The following ATP2C1 variants were observed in gnomAD, a reference collection of about 807,000 sequenced individuals.
ATP2C1 encodes the protein calcium-transporting ATPase type 2C member 1.
In ATP2C1, 31 loss-of-function variants were observed where a neutral mutation model predicts 120.5. The observed-to-expected ratio is 0.26, with a 90% CI of 0.19 to 0.35. The LOEUF is 0.35. ATP2C1 is among the 10% of genes least tolerant of loss of function. The probability of loss-of-function intolerance (pLI) is 1.00; values close to 1 mark genes in which losing one functional copy is unlikely to be tolerated. For synonymous variants in ATP2C1, 351 were observed against 358.7 expected (o/e 0.98, Z 0.24); for missense variants, 731 against 1,107.5 (o/e 0.66, Z 4.83).
At chr3:130,989,637 C>T (rs2062218523) in intron 20 of ATP2C1, among the ~76,000 whole-genome samples, 1 of 151,492 alleles carries the variant, frequency 6.6e-6, no homozygotes, top group African/African-American at 2.4e-5. Context: ...TGCTCGAGCC[C>T]GTTCTACTCT....
rs968971139 is a variant in ATP2C1 at position 130,902,307 on chromosome 3, T to G, written c.6+7532T>G. On this transcript the variant is annotated intron_variant, in intron 2 of 27. Transcript: ENST00000510168. ...ACGTTTTTTTTTTTTGTTTTTTTTT[T>G]TTTTTTTTTTTTTTTCTGAGAGGTG... 4.1e-5 allele frequency among the ~76,000 whole-genome samples: 5 copies of G among 120,556 alleles called. No individual in the cohort carries two copies. The East Asian group carries it at 1.1e-3, about 26-fold the overall frequency. The allele number at this position is 120,556 out of a possible 152,430, so 79.1% of individuals were successfully genotyped here. A position where few individuals can be genotyped will look rare whatever the true frequency, so the allele number is the denominator to read the frequency against.
intron 20 of ATP2C1, among the ~76,000 whole-genome samples, chr3:130,981,509 C>A (rs2061762247): frequency 6.6e-6 from 1 of 152,012 alleles, no homozygotes; most frequent in African/African-American, 2.4e-5. Context: ...TGTGTACAGG[C>A]TTTTGCAGTT....
intron 1 of ATP2C1, among the ~76,000 whole-genome samples, chr3:130,862,470 C>T (rs1198371927): frequency 2.6e-5 from 4 of 151,928 alleles, no homozygotes; most frequent in Non-Finnish European, 5.9e-5. Flanking sequence ...TGTGAGCCAC[C>T]GCACTTGGCT....
At chr3:130,860,546 C>A (rs1390604543) in intron 1 of ATP2C1, among the ~76,000 whole-genome samples, 2 of 152,184 alleles carry the variant, frequency 1.3e-5, no homozygotes, top group African/African-American at 4.8e-5. Flanking sequence ...CTCATAATAA[C>A]CTTGCAAAGT....
In ATP2C1 at chr3:130,995,996, T is replaced by C. The variant is rs200529630; in HGVS notation, c.2058-47T>C. 5 of 1,216,152 alleles carry C rather than the reference T, an allele frequency of 4.1e-6. No individual in the cohort carries two copies. The East Asian group carries it at 1.2e-4, about 28-fold the overall frequency. The allele number at this position is 1,216,152 out of a possible 1,614,324, so 75.3% of individuals were successfully genotyped here. A position where few individuals can be genotyped will look rare whatever the true frequency, so the allele number is the denominator to read the frequency against. ...ACAGTGTTTTAGTATAGATACATTT[T>C]TGTATGATAATATTTTCTCACTTCA... On this transcript the variant is annotated intron_variant, in intron 22 of 27. Coordinates refer to ENST00000510168, the MANE Select transcript of ATP2C1 (RefSeq NM_001378687.1).
intron 26 of ATP2C1, 23 bp downstream of exon 26, chr3:130,998,412 G>C: frequency 1.4e-6 from 2 of 1,465,926 alleles, no homozygotes; most frequent in Non-Finnish European, 1.9e-6. Context: ...GAACTTAGTT[G>C]ATTGACTTGA....
At chr3:130,988,080 T>C (rs1182873904) in intron 20 of ATP2C1, among the ~76,000 whole-genome samples, 1 of 152,212 alleles carries the variant, frequency 6.6e-6, no homozygotes, top group Non-Finnish European at 1.5e-5. Flanking sequence ...CCCCATATTA[T>C]TATCACAATT....
At chr3:130,916,402 C>T (rs1292774531) in intron 2 of ATP2C1, among the ~76,000 whole-genome samples, 1 of 151,868 alleles carries the variant, frequency 6.6e-6, no homozygotes, top group Non-Finnish European at 1.5e-5. Context: ...GGCAACAGAA[C>T]AAGACTCCAT....
At chr3:130,911,655 T>C (rs1321214849) in intron 2 of ATP2C1, among the ~76,000 whole-genome samples, 1 of 152,164 alleles carries the variant, frequency 6.6e-6, no homozygotes, top group East Asian at 1.9e-4. Context: ...AGAATCAATA[T>C]TGTGAAAATG....
At chr3:130,980,773 A>T in intron 20 of ATP2C1, 94 bp downstream of exon 20, 1 of 955,738 alleles carries the variant, frequency 1.0e-6, no homozygotes, top group South Asian at 1.4e-5. Flanking sequence ...AATTGTGAAC[A>T]TCAGGGATTT....
chr3:130,856,767 CT>C (rs1387104079), intron 1 of ATP2C1, among the ~76,000 whole-genome samples: 1 of 152,152 alleles, frequency 6.6e-6, no homozygotes, highest in Non-Finnish European at 1.5e-5. Flanking sequence ...ACCTTGCCCC[CT>C]GTGCTTGTGC....
chr3:130,984,816 A>G (rs1405806282), intron 20 of ATP2C1, among the ~76,000 whole-genome samples: 1 of 152,272 alleles, frequency 6.6e-6, no homozygotes, highest in Non-Finnish European at 1.5e-5. Flanking sequence ...TAAAAACATG[A>G]AAATGCTTCA....
chr3:130,871,419 C>G (rs1160224502), intron 1 of ATP2C1, among the ~76,000 whole-genome samples: 1 of 152,220 alleles, frequency 6.6e-6, no homozygotes, highest in Non-Finnish European at 1.5e-5. Flanking sequence ...ATGCTGGGCC[C>G]CACCTCCAGA....
chr3:130,906,402 C>CA (rs2058122138), intron 2 of ATP2C1, among the ~76,000 whole-genome samples: 1 of 152,026 alleles, frequency 6.6e-6, no homozygotes, highest in South Asian at 2.1e-4. Flanking sequence ...AATAATATTC[C>CA]ATTGTATGGA....
At chr3:130,959,520 G>A (rs563056497) in intron 12 of ATP2C1, 179 bp downstream of exon 12, 5 of 448,954 alleles carry the variant, frequency 1.1e-5, no homozygotes, top group South Asian at 3.1e-5. Flanking sequence ...GAAAATGTAT[G>A]TATATGGTAA....
chr3:130,980,545 A>G (rs2061710241), intron 19 of ATP2C1, 37 bp from the exon 20 acceptor site: 1 of 1,509,646 alleles, frequency 6.6e-7, no homozygotes, highest in Non-Finnish European at 9.2e-7. Context: ...AGCAAAAACA[A>G]TTTGGTTTAT....
intron 2 of ATP2C1, among the ~76,000 whole-genome samples, chr3:130,905,285 A>G (rs1007840652): frequency 2.0e-5 from 3 of 152,042 alleles, no homozygotes; most frequent in East Asian, 3.9e-4. Context: ...CTATCCATCT[A>G]TGTATATAAA....
At chr3:130,880,635 A>C (rs1479740696) in intron 1 of ATP2C1, among the ~76,000 whole-genome samples, 1 of 152,200 alleles carries the variant, frequency 6.6e-6, no homozygotes, top group Non-Finnish European at 1.5e-5. Context: ...ATTTGTAATT[A>C]CCCTTCTCTA....
intron 2 of ATP2C1, among the ~76,000 whole-genome samples, chr3:130,902,693 T>A (rs1199351296): frequency 6.6e-6 from 1 of 152,026 alleles, no homozygotes; most frequent in Non-Finnish European, 1.5e-5. Flanking sequence ...TTCCTTTTTA[T>A]CCATTTATTC....
Sources: gnomAD v4.1 joint callset for allele counts (sites outside exome capture counted in the v4.1 genomes callset) on GRCh38, gnomAD v4.1.1 for gene constraint, MANE v1.5 for transcripts, NCBI Gene and HGNC (gene_info 2026-07-23, HGNC 2026-07-21) for gene names.